The following DHRSX variants were observed in gnomAD, a reference collection of about 807,000 sequenced individuals.
DHRSX encodes polyprenol dehydrogenase.
A neutral mutation model predicts 34.0 loss-of-function variants in DHRSX; 31 were observed. The observed-to-expected ratio is 0.91, with a 90% confidence interval of 0.69 to 1.23. The LOEUF (loss-of-function observed/expected upper bound fraction) is 1.23. Among genes scored for constraint, DHRSX ranks in the 50% most tolerant of loss-of-function variants. DHRSX has a pLI of 0.00. For synonymous variants in DHRSX, 201 were observed against 183.8 expected (o/e 1.09, Z -0.76); for missense variants, 414 against 428.1 (o/e 0.97, Z 0.29).
chrX:2,302,773 G>A (rs2042028651), intron 3 of DHRSX, among the ~76,000 whole-genome samples: 1 of 151,976 alleles, frequency 6.6e-6, no homozygotes, highest in Non-Finnish European at 1.5e-5. Context: ...AAAAAATAAT[G>A]ACAGTCATTT....
chrX:2,319,724 T>C (rs2042285134), intron 3 of DHRSX, among the ~76,000 whole-genome samples: 1 of 151,984 alleles, frequency 6.6e-6, no homozygotes, highest in Non-Finnish European at 1.5e-5. Context: ...CGGTCAAGAG[T>C]ACACTACCAG....
rs751121131 is a variant in DHRSX at position 2,244,283 on chromosome X, C to T, written c.597-1053G>A. Among the ~76,000 whole-genome samples the T allele has an allele frequency of 1.2e-3, 168 of 143,310 alleles. 1 individual carries two copies. The highest frequency in any genetic ancestry group is 2.0e-3 in the Non-Finnish European group (132 of 65,210). The allele number at this position is 143,310 out of a possible 152,430, so 94.0% of individuals were successfully genotyped here. ...GTGATAAAAATCGATCCGATAACCG[C>T]GGTAAAGTGAGTAACGTGCCTCTCT... On this transcript the variant is annotated intron_variant, in intron 5 of 6. Coordinates refer to ENST00000334651, the MANE Select transcript of DHRSX (RefSeq NM_145177.3).
chrX:2,434,554 C>G lies in DHRSX; in HGVS notation c.110-9250G>C, dbSNP rs754339755. 3.3e-5 allele frequency among the ~76,000 whole-genome samples: 5 copies of G among 152,244 alleles called. No individual in the cohort carries two copies. In the South Asian group the frequency reaches 1.0e-3, roughly 32 times the overall value. On this transcript the variant is annotated intron_variant, in intron 1 of 6. Transcript: ENST00000334651. ...GACGTGGTGATGCTCGCCTGTAGTC[C>G]CAGCTACCCTGGAGGCTGAAATGGG...
intron 3 of DHRSX, among the ~76,000 whole-genome samples, chrX:2,318,564 G>A (rs192833252): frequency 6.6e-6 from 1 of 152,242 alleles, no homozygotes; most frequent in Non-Finnish European, 1.5e-5. Context: ...TGCATTCGCT[G>A]CTAAAAGACA....
At chrX:2,226,561 G>A (rs1399922756) in intron 6 of DHRSX, among the ~76,000 whole-genome samples, 2 of 152,128 alleles carry the variant, frequency 1.3e-5, no homozygotes, top group East Asian at 3.9e-4. Flanking sequence ...AGCACTTTGG[G>A]AGGCCGAGGC....
chrX:2,240,035 G>A (rs2016104550), intron 6 of DHRSX, among the ~76,000 whole-genome samples: 2 of 152,046 alleles, frequency 1.3e-5, no homozygotes, highest in Admixed American at 1.3e-4. Flanking sequence ...GCTCACGCCT[G>A]TAATCCCATC....
chrX:2,431,843 T>G (rs1263928716), intron 1 of DHRSX, among the ~76,000 whole-genome samples: 2 of 152,080 alleles, frequency 1.3e-5, no homozygotes, highest in East Asian at 3.8e-4. Context: ...GCTCCAAACC[T>G]CAACATCACA....
At chrX:2,249,356 C>CTTT (rs765751396) in intron 5 of DHRSX, among the ~76,000 whole-genome samples, 34 of 133,404 alleles carry the variant, frequency 2.5e-4, no homozygotes, top group African/African-American at 8.8e-4. Flanking sequence ...CCATGCCCGG[C>CTTT]TTTTTTTTTT....
At position 2,488,710 on chromosome X, in the gene DHRSX, G is replaced by A. The variant is rs1410583880; in HGVS notation, c.109+12107C>T. ...CCCCCAAGGAGAACACCTGCTCCTG[G>A]TCCAGGCCCCACTCCCCCTCGTCCT... On this transcript the variant is annotated intron_variant, in intron 1 of 6. Coordinates refer to ENST00000334651, the MANE Select transcript of DHRSX (RefSeq NM_145177.3). 3 of 1,613,828 alleles carry A rather than the reference G, an allele frequency of 1.9e-6. No homozygotes were observed. In the Admixed American group the frequency reaches 5.0e-5, roughly 27 times the overall value.
rs778057545 is a variant in DHRSX, at chrX:2,334,170, C to CTTTTTTTTTTTTTTTTTTT, written c.287-42568_287-42567insAAAAAAAAAAAAAAAAAAA. 4.9e-4 allele frequency: 52 copies of CTTTTTTTTTTTTTTTTTTT among 105,104 alleles called. 8 individuals carry two copies. The highest frequency in any genetic ancestry group is 2.0e-3 in the African/African-American group (48 of 24,214). The allele number at this position is 105,104 out of a possible 1,614,324, so 6.5% of individuals were successfully genotyped here. A position where few individuals can be genotyped will look rare whatever the true frequency, so the allele number is the denominator to read the frequency against. ...TCTGTTGTTTTAACTCAAAAGTATGCTTTTTTTTTTTGAGACACAGTCTTA... is the reference window on the plus strand; with the variant it reads ...TCTGTTGTTTTAACTCAAAAGTATGCTTTTTTTTTTTTTTTTTTTTTTTTTTTTTTGAGACACAGTCTTA... On this transcript the variant is annotated intron_variant, in intron 3 of 6. Coordinates refer to ENST00000334651, the MANE Select transcript of DHRSX (RefSeq NM_145177.3).
At chrX:2,428,368 C>T (rs1254814140) in intron 1 of DHRSX, among the ~76,000 whole-genome samples, 1 of 152,140 alleles carries the variant, frequency 6.6e-6, no homozygotes. Flanking sequence ...TTGGAACCAA[C>T]CCAAATGCCC....
chrX:2,354,234 G>A (rs921336193), intron 3 of DHRSX, among the ~76,000 whole-genome samples: 3 of 152,086 alleles, frequency 2.0e-5, no homozygotes, highest in Non-Finnish European at 4.4e-5. Flanking sequence ...GTTGTTGGAC[G>A]GCCATCTACT....
At chrX:2,437,459 C>A (rs2044005763) in intron 1 of DHRSX, among the ~76,000 whole-genome samples, 1 of 152,024 alleles carries the variant, frequency 6.6e-6, no homozygotes, top group African/African-American at 2.4e-5. Flanking sequence ...CAAAAATTAT[C>A]CAGGTGTGAT....
intron 2 of DHRSX, among the ~76,000 whole-genome samples, chrX:2,423,074 A>G (rs1372805287): frequency 6.8e-6 from 1 of 147,684 alleles, no homozygotes; most frequent in Non-Finnish European, 1.5e-5. Flanking sequence ...AAGTGCTGGG[A>G]TTACAGGCAT....
chrX:2,385,018 G>A (rs1305455796), intron 3 of DHRSX, among the ~76,000 whole-genome samples: 8 of 151,760 alleles, frequency 5.3e-5, no homozygotes, highest in Admixed American at 1.3e-4. Flanking sequence ...CAGGAGAATC[G>A]CTTGAGCCTG....
intron 1 of DHRSX, among the ~76,000 whole-genome samples, chrX:2,455,352 T>C (rs918075155): frequency 2.7e-5 from 4 of 150,844 alleles, no homozygotes; most frequent in Non-Finnish European, 5.9e-5. Context: ...GGTAGTAGGC[T>C]TATTACCTGG....
intron 1 of DHRSX, among the ~76,000 whole-genome samples, chrX:2,451,594 G>A (rs1197509360): frequency 6.6e-6 from 1 of 152,168 alleles, no homozygotes; most frequent in African/African-American, 2.4e-5. Flanking sequence ...GGTCAGGACG[G>A]TGGCTGGAGA....
chrX:2,466,179 C>T (rs1246169863), intron 1 of DHRSX, among the ~76,000 whole-genome samples: 1 of 152,224 alleles, frequency 6.6e-6, no homozygotes, highest in African/African-American at 2.4e-5. Context: ...CGGCGCATGC[C>T]TGTAATCCCA....
intron 1 of DHRSX, among the ~76,000 whole-genome samples, chrX:2,493,533 C>CATT (rs890062435): frequency 1.2e-4 from 18 of 151,002 alleles, no homozygotes; most frequent in African/African-American, 4.1e-4. Flanking sequence ...GTTTCAATTC[C>CATT]ATTATTATTA....
Sources: gnomAD v4.1 joint callset for allele counts (sites outside exome capture counted in the v4.1 genomes callset) on GRCh38, gnomAD v4.1.1 for gene constraint, MANE v1.5 for transcripts, NCBI Gene and HGNC (gene_info 2026-07-23, HGNC 2026-07-21) for gene names.